KCTD16: variants seen among roughly 807,000 people sequenced by gnomAD.
The protein encoded by KCTD16 is BTB/POZ domain-containing protein KCTD16.
KCTD16 carries 13 observed loss-of-function variants against 33.2 expected under a neutral mutation model. That is an observed-to-expected ratio of 0.39 (90% CI 0.25 to 0.62). KCTD16 has a LOEUF of 0.62. Ranked by LOEUF, KCTD16 falls within the 20% of genes least tolerant of loss-of-function variation. KCTD16 has a pLI of 0.50. For synonymous variants in KCTD16, 197 were observed against 195.3 expected, an observed-to-expected ratio of 1.01 and a Z score of -0.07; for missense variants, 441 against 525.1, an observed-to-expected ratio of 0.84 and a Z score of 1.57.
chr5:144,192,134 G>T (rs1029025503), intron 2 of KCTD16, among the ~76,000 whole-genome samples: 1 of 152,134 alleles, frequency 6.6e-6, no homozygotes, highest in African/African-American at 2.4e-5. Flanking sequence ...TTGAAATTGG[G>T]ACTCAGTTGA....
chr5:144,422,816 G>A (rs1254047733), intron 3 of KCTD16, among the ~76,000 whole-genome samples: 4 of 152,142 alleles, frequency 2.6e-5, no homozygotes, highest in African/African-American at 4.8e-5. Context: ...CTAGTGCTAA[G>A]TGAAAACAGT....
At chr5:144,416,327 T>A (rs902543463) in intron 3 of KCTD16, among the ~76,000 whole-genome samples, 3 of 152,290 alleles carry the variant, frequency 2.0e-5, no homozygotes, top group Admixed American at 1.3e-4. Context: ...AGGTGAGTTG[T>A]TATGGTTGAG....
chr5:144,400,258 A>G (rs985269470), intron 3 of KCTD16, among the ~76,000 whole-genome samples: 1 of 152,178 alleles, frequency 6.6e-6, no homozygotes, highest in Non-Finnish European at 1.5e-5. Flanking sequence ...ATGCCCACAT[A>G]CATTTGACTC....
intron 3 of KCTD16, among the ~76,000 whole-genome samples, chr5:144,360,876 C>CT (rs199956652): frequency 6.7e-4 from 101 of 150,892 alleles, no homozygotes; most frequent in Non-Finnish European, 8.6e-4. Flanking sequence ...GTACCTCTGT[C>CT]TTTTTTTTTA....
chr5:144,443,439 T>C (rs115858356), intron 3 of KCTD16, among the ~76,000 whole-genome samples: 2,296 of 152,054 alleles, frequency 0.015, 27 homozygotes, highest in Middle Eastern at 0.048. Flanking sequence ...AGTCTGGTGG[T>C]ATTCTTACTT....
In KCTD16 at chr5:144,465,196, T is replaced by G. The variant is rs554752011; in HGVS notation, c.833-8464T>G. 6.4e-5 allele frequency among the ~76,000 whole-genome samples: 7 copies of G among 109,800 alleles called. 1 individual carries two copies. The highest frequency in any genetic ancestry group is 1.8e-4 in the African/African-American group (5 of 27,300). The allele number at this position is 109,800 out of a possible 152,430, so 72.0% of individuals were successfully genotyped here. On this transcript the variant is annotated intron_variant, in intron 3 of 3. Transcript: ENST00000512467. ...AGTCTCTCTCTCCCCCCCCTCTCTCTCTCACTCTCTCTCTCTCTCTTTCTC... is the reference window on the plus strand; with the variant it reads ...AGTCTCTCTCTCCCCCCCCTCTCTCGCTCACTCTCTCTCTCTCTCTTTCTC...
intron 3 of KCTD16, among the ~76,000 whole-genome samples, chr5:144,454,077 G>A (rs1196927396): frequency 1.3e-5 from 2 of 152,138 alleles, no homozygotes; most frequent in East Asian, 1.9e-4. Context: ...TCTAATTAGT[G>A]TTCTAGACTG....
At chr5:144,374,651 G>A (rs1294921432) in intron 3 of KCTD16, among the ~76,000 whole-genome samples, 4 of 152,268 alleles carry the variant, frequency 2.6e-5, no homozygotes, top group East Asian at 3.9e-4. Context: ...GGAAAGCAGA[G>A]CAGTACTGGA....
At chr5:144,228,564 A>T (rs1754002020) in intron 3 of KCTD16, among the ~76,000 whole-genome samples, 1 of 152,216 alleles carries the variant, frequency 6.6e-6, no homozygotes, top group African/African-American at 2.4e-5. Flanking sequence ...AAAGTGAAAT[A>T]TAGAAATTAG....
At chr5:144,218,799 G>A (rs552577353) in intron 3 of KCTD16, among the ~76,000 whole-genome samples, 1 of 152,270 alleles carries the variant, frequency 6.6e-6, no homozygotes, top group East Asian at 1.9e-4. Context: ...CTACAGTGCT[G>A]AACACTCAGG....
intron 2 of KCTD16, chr5:144,205,290 G>A (rs1228435354): frequency 2.8e-6 from 1 of 351,902 alleles, no homozygotes; most frequent in Non-Finnish European, 5.1e-6. Context: ...AGGAGGACGT[G>A]ACTCGGAGCT....
chr5:144,250,024 C>T (rs767038624), intron 3 of KCTD16, among the ~76,000 whole-genome samples: 52 of 152,328 alleles, frequency 3.4e-4, no homozygotes, highest in Non-Finnish European at 3.5e-4. Flanking sequence ...TATCTTCTGA[C>T]TGGTATATTT....
intron 2 of KCTD16, among the ~76,000 whole-genome samples, chr5:144,180,298 T>A (rs1339472753): frequency 2.6e-5 from 4 of 152,122 alleles, no homozygotes; most frequent in Admixed American, 2.0e-4. Context: ...ACTTTTTATT[T>A]TGTTCAGGGC....
chr5:144,206,408 G>T lies in KCTD16; in HGVS notation c.-307G>T, dbSNP rs1348922733. 3 of 279,342 alleles carry T rather than the reference G, an allele frequency of 1.1e-5. No homozygotes were observed. Among genetic ancestry groups the T allele is most frequent in the Non-Finnish European group, 2.0e-5 (3 of 150,532 alleles). The allele number at this position is 279,342 out of a possible 1,614,324, so 17.3% of individuals were successfully genotyped here. On this transcript the variant is annotated 5_prime_UTR_variant, in exon 3 of 4. Coordinates refer to ENST00000512467, the MANE Select transcript of KCTD16 (RefSeq NM_020768.4). ...CTTCAGACGGACATCTGAGTAACTG[G>T]GGAATTGGCCTGCCTTGCATGTGAG...
At chr5:144,216,284 T>G (rs1006542485) in intron 3 of KCTD16, among the ~76,000 whole-genome samples, 1 of 152,190 alleles carries the variant, frequency 6.6e-6, no homozygotes, top group African/African-American at 2.4e-5. Flanking sequence ...GTAGCTGTGT[T>G]ATGTGGCATT....
At chr5:144,361,674 C>T (rs1020779214) in intron 3 of KCTD16, among the ~76,000 whole-genome samples, 45 of 152,248 alleles carry the variant, frequency 3.0e-4, no homozygotes, top group African/African-American at 1.0e-3. Context: ...ACAAGTGCCA[C>T]AATTATGTTA....
At chr5:144,237,136 A>G (rs1754276009) in intron 3 of KCTD16, among the ~76,000 whole-genome samples, 1 of 151,932 alleles carries the variant, frequency 6.6e-6, no homozygotes, top group East Asian at 1.9e-4. Flanking sequence ...CCCTACCCAG[A>G]ATGTTTCTCC....
At chr5:144,280,413 C>T (rs967578786) in intron 3 of KCTD16, among the ~76,000 whole-genome samples, 4 of 152,012 alleles carry the variant, frequency 2.6e-5, no homozygotes, top group African/African-American at 9.7e-5. Flanking sequence ...GGCAGTGTAT[C>T]TTTTAACTGG....
chr5:144,393,680 A>C (rs549856939), intron 3 of KCTD16, among the ~76,000 whole-genome samples: 1 of 152,228 alleles, frequency 6.6e-6, no homozygotes, highest in South Asian at 2.1e-4. Context: ...TATAGGAGAG[A>C]GTAGGCTATA....
Sources: allele counts gnomAD v4.1 joint callset (sites outside exome capture counted in the v4.1 genomes callset), GRCh38; gene constraint gnomAD v4.1.1; transcripts MANE v1.5; gene names NCBI Gene and HGNC (gene_info 2026-07-23, HGNC 2026-07-21).